Variants in C1GALT1 observed in about 807,000 individuals in gnomAD.
C1GALT1 encodes glycoprotein-N-acetylgalactosamine 3-beta-galactosyltransferase 1.
In C1GALT1, 11 loss-of-function variants were observed where a neutral mutation model predicts 31.0. The ratio of observed to expected loss-of-function variants is 0.36; its 90% CI spans 0.22 to 0.59. The LOEUF is 0.59. Among genes scored for constraint, C1GALT1 ranks in the 20% least tolerant of loss-of-function variants. C1GALT1 has a pLI of 0.79. For missense variants in C1GALT1, 424 were observed against 425.2 expected, an observed-to-expected ratio of 1.00 and a Z score of 0.03; for synonymous variants, 175 against 143.6, an observed-to-expected ratio of 1.22 and a Z score of -1.56.
chr7:7,189,007 C>G (rs1780939570), intron 1 of C1GALT1, among the ~76,000 whole-genome samples: 1 of 152,048 alleles, frequency 6.6e-6, no homozygotes, highest in African/African-American at 2.4e-5. Context: ...GATTTTCTTT[C>G]ATTTGTTTAG....
chr7:7,229,375 A>C (rs1782957324), intron 1 of C1GALT1, among the ~76,000 whole-genome samples: 1 of 152,164 alleles, frequency 6.6e-6, no homozygotes, highest in Admixed American at 6.5e-5. Context: ...CTCCAGGTTC[A>C]CTGCTTCAAT....
chr7:7,238,990 T>G lies in C1GALT1; in HGVS notation c.888+68T>G. 2 of 1,250,718 alleles carry G rather than the reference T, an allele frequency of 1.6e-6. No homozygotes were observed. The highest frequency in any genetic ancestry group is 1.4e-5 in the South Asian group (1 of 69,626). 77.5% of individuals were successfully genotyped at this position (1,250,718 alleles called of 1,614,324 possible). On this transcript the variant is annotated intron_variant, in intron 3 of 3. Transcript: ENST00000436587. The surrounding 1 kb of genome is among the most constrained non-coding windows in gnomAD (Gnocchi z 5.2). ...CTGAATTTTGTTGATAAAAACATGT[T>G]AATATGTGTATGTTTCTTTAGTACC...
rs944423038 is a variant in C1GALT1 at position 7,244,210 on chromosome 7, T to TA, written c.*484dup. On this transcript the variant is annotated 3_prime_UTR_variant, in exon 4 of 4. Coordinates refer to ENST00000436587, the MANE Select transcript of C1GALT1 (RefSeq NM_020156.5). The stretch of plus-strand genomic sequence containing the variant: ...CAGTATGCTATAAATGATACCCCCC[T>TA]ACCACACCCACACACACAGTTTTTG... 6.6e-6 allele frequency: 1 copy of TA among 152,326 alleles called. No homozygotes were observed. The highest frequency in any genetic ancestry group is 2.4e-5 in the African/African-American group (1 of 41,438). 9.4% of individuals were successfully genotyped at this position (152,326 alleles called of 1,614,324 possible).
At chr7:7,232,942 CATTGAA>C (rs1238207421) in intron 1 of C1GALT1, among the ~76,000 whole-genome samples, 1 of 152,096 alleles carries the variant, frequency 6.6e-6, no homozygotes, top group East Asian at 1.9e-4. Flanking sequence ...TGAAAAAGGA[CATTGAA>C]ATTAAATTTT....
At position 7,239,197 on chromosome 7, in the gene C1GALT1, A is replaced by G. The variant is rs191512795; in HGVS notation, c.888+275A>G. ...AATTTCCAGTTCTCGTGAACCTTAC[A>G]TTCTGGATGAGGAGATATACAGTAA... On this transcript the variant is annotated intron_variant, in intron 3 of 3. Transcript: ENST00000436587. 3.2e-4 allele frequency among the ~76,000 whole-genome samples: 49 copies of G among 152,344 alleles called. 1 individual carries two copies. In the East Asian group the frequency reaches 9.4e-3, roughly 29 times the overall value.
intron 2 of C1GALT1, 44 bp downstream of exon 2, chr7:7,234,583 G>T (rs778305710): frequency 6.8e-7 from 1 of 1,462,626 alleles, no homozygotes; most frequent in Non-Finnish European, 9.5e-7. Context: ...CAGTATTTTA[G>T]TCTAAATTTT....
At chr7:7,184,561 G>A (rs1249228565) in intron 1 of C1GALT1, among the ~76,000 whole-genome samples, 1 of 152,140 alleles carries the variant, frequency 6.6e-6, no homozygotes, top group East Asian at 1.9e-4. Flanking sequence ...TATGTCACTA[G>A]GCACATGCTA....
At chr7:7,204,703 C>T (rs558552387) in intron 1 of C1GALT1, among the ~76,000 whole-genome samples, 2 of 152,104 alleles carry the variant, frequency 1.3e-5, no homozygotes, top group East Asian at 3.9e-4. Context: ...AAATGTCTTC[C>T]TTAGCACTGC....
intron 1 of C1GALT1, among the ~76,000 whole-genome samples, chr7:7,219,824 G>T (rs1782424859): frequency 6.6e-6 from 1 of 151,886 alleles, no homozygotes; most frequent in South Asian, 2.1e-4. Context: ...ATAAAATTTT[G>T]TGTGGAATTG....
At chr7:7,232,531 C>A (rs1354977338) in intron 1 of C1GALT1, among the ~76,000 whole-genome samples, 1 of 146,328 alleles carries the variant, frequency 6.8e-6, no homozygotes, top group Non-Finnish European at 1.5e-5. Flanking sequence ...CTTGCTCTGT[C>A]ACCCAGGCTG....
chr7:7,231,320 ATTGGGTTTTGTAGATTT>A (rs1453990554), intron 1 of C1GALT1, among the ~76,000 whole-genome samples: 1 of 151,650 alleles, frequency 6.6e-6, no homozygotes, highest in Non-Finnish European at 1.5e-5. Context: ...TGTAATCTTC[ATTGGGTTTTGTAGATTT>A]TTAATGTGAG....
At chr7:7,211,153 A>G (rs138889540) in intron 1 of C1GALT1, among the ~76,000 whole-genome samples, 261 of 152,260 alleles carry the variant, frequency 1.7e-3, no homozygotes, top group African/African-American at 6.0e-3. Flanking sequence ...CCATTTGGAG[A>G]TTGATTGCTT....
intron 1 of C1GALT1, among the ~76,000 whole-genome samples, chr7:7,211,103 C>T (rs954107165): frequency 3.3e-5 from 5 of 152,044 alleles, no homozygotes; most frequent in East Asian, 3.9e-4. Context: ...TAAGGATCCT[C>T]GGAAGAATGG....
intron 1 of C1GALT1, among the ~76,000 whole-genome samples, chr7:7,228,794 C>CAATT (rs1357121645): frequency 5.9e-5 from 9 of 152,166 alleles, no homozygotes; most frequent in African/African-American, 2.2e-4. Context: ...AAGTTAAAAA[C>CAATT]AATTACGTAA....
At chr7:7,161,650 C>G (rs1359249111) in intron 2 of C1GALT1, among the ~76,000 whole-genome samples, 1 of 151,918 alleles carries the variant, frequency 6.6e-6, no homozygotes, top group East Asian at 1.9e-4. Context: ...AGTTGAGGAC[C>G]ATGAGGCTCA....
chr7:7,235,057 G>A (rs1432735792), intron 2 of C1GALT1: 1 of 152,376 alleles, frequency 6.6e-6, no homozygotes, highest in African/African-American at 2.4e-5. Flanking sequence ...CCTCTAACCA[G>A]ATTTTCTCAG....
intron 1 of C1GALT1, among the ~76,000 whole-genome samples, chr7:7,197,239 C>A (rs1781330071): frequency 6.6e-6 from 1 of 152,086 alleles, no homozygotes; most frequent in Admixed American, 6.5e-5. Context: ...GGAAGGGATC[C>A]AGTTTCAGCT....
intron 3 of C1GALT1, 37 bp from the exon 4 acceptor site, chr7:7,243,487 T>A (rs1783717428): frequency 6.8e-7 from 1 of 1,468,624 alleles, no homozygotes; most frequent in Non-Finnish European, 9.2e-7. Context: ...AGCAATGTGC[T>A]GTTTATTAAC....
chr7:7,225,036 G>GTTACCAC lies in C1GALT1; in HGVS notation c.-17-9263_-17-9262insCACTTAC, dbSNP rs202179304. Among the ~76,000 whole-genome samples the GTTACCAC allele has an allele frequency of 3.6e-3, 361 of 99,928 alleles. 1 individual carries two copies. Among genetic ancestry groups the GTTACCAC allele is most frequent in the African/African-American group, 0.021 (333 of 15,662 alleles). The allele number at this position is 99,928 out of a possible 152,430, so 65.6% of individuals were successfully genotyped here. On this transcript the variant is annotated intron_variant, in intron 1 of 3. Coordinates refer to ENST00000436587, the MANE Select transcript of C1GALT1 (RefSeq NM_020156.5). The stretch of plus-strand genomic sequence containing the variant: ...TGTGTCCATATGTCCTCTGTGTTTA[G>GTTACCAC]TTACAAGTGAGAACTAATAAGGTTT...
Sources: gnomAD v4.1 joint callset for allele counts (sites outside exome capture counted in the v4.1 genomes callset) on GRCh38, gnomAD v4.1.1 for gene constraint, Gnocchi (gnomAD v3.1) non-coding constraint, MANE v1.5 for transcripts, NCBI Gene and HGNC (gene_info 2026-07-23, HGNC 2026-07-21) for gene names.